The following DRC9 variants were observed in gnomAD, a reference collection of about 807,000 sequenced individuals.
DRC9 encodes the protein dynein regulatory complex protein 9.
the DRC9 span, among the ~76,000 whole-genome samples, chr3:197,952,930 A>G: frequency 6.6e-6 from 1 of 150,832 alleles, no homozygotes; most frequent in Non-Finnish European, 1.5e-5. Flanking sequence ...CTTCCCCAGT[A>G]GCTGGGATTA....
chr3:197,937,113 C>G, the DRC9 span, among the ~76,000 whole-genome samples: 5 of 152,198 alleles, frequency 3.3e-5, no homozygotes, highest in African/African-American at 9.6e-5. Context: ...TCCAATAAAG[C>G]TTTTCAAAAA....
the DRC9 span, chr3:197,892,692 T>A: frequency 1.2e-6 from 2 of 1,614,180 alleles, no homozygotes; most frequent in Non-Finnish European, 1.7e-6. Flanking sequence ...AGCATTTAGT[T>A]CATTCTGTTT....
At chr3:197,895,228 T>TA in the DRC9 span, among the ~76,000 whole-genome samples, 1 of 152,132 alleles carries the variant, frequency 6.6e-6, no homozygotes, top group East Asian at 1.9e-4. Context: ...TACAAGGTAA[T>TA]AACATCATTT....
At chr3:197,949,388 G>A in the DRC9 span, 1 of 152,242 alleles carries the variant, frequency 6.6e-6, no homozygotes, top group Admixed American at 6.5e-5. Context: ...GCGGACACGA[G>A]GCAGCTAAAC....
the DRC9 span, chr3:197,951,321 T>C: frequency 1.9e-6 from 3 of 1,613,774 alleles, no homozygotes; most frequent in African/African-American, 4.0e-5. Flanking sequence ...AGTAAGTTTA[T>C]GACACTGGTA....
chr3:197,954,009 A>T, the DRC9 span: 1 of 1,612,940 alleles, frequency 6.2e-7, no homozygotes, highest in South Asian at 1.1e-5. Context: ...TCAGCAACAC[A>T]GTCACTCCTG....
the DRC9 span, among the ~76,000 whole-genome samples, chr3:197,918,144 G>C: frequency 6.7e-6 from 1 of 150,320 alleles, no homozygotes; most frequent in Non-Finnish European, 1.5e-5. Flanking sequence ...GCCCAGGCTG[G>C]AGTGCAATGG....
At chr3:197,904,110 A>ATT in the DRC9 span, among the ~76,000 whole-genome samples, 7 of 80,830 alleles carry the variant, frequency 8.7e-5, no homozygotes, top group African/African-American at 4.9e-4. Flanking sequence ...ATATATATAT[A>ATT]TTTTTTTTTT....
the DRC9 span, among the ~76,000 whole-genome samples, chr3:197,933,623 T>C: frequency 6.6e-6 from 1 of 152,098 alleles, no homozygotes; most frequent in East Asian, 1.9e-4. Context: ...TGGTAGAGAC[T>C]TGGTTTTTTT....
the DRC9 span, among the ~76,000 whole-genome samples, chr3:197,918,222 C>T: frequency 1.0e-3 from 153 of 147,286 alleles, no homozygotes; most frequent in African/African-American, 3.7e-3. Context: ...CCTACATGTA[C>T]GTGCTACCAC....
the DRC9 span, among the ~76,000 whole-genome samples, chr3:197,942,720 C>A: frequency 6.6e-6 from 1 of 151,794 alleles, no homozygotes; most frequent in Non-Finnish European, 1.5e-5. Context: ...GAGTTCAAGA[C>A]CAGCCTGACC....
the DRC9 span, among the ~76,000 whole-genome samples, chr3:197,903,037 G>C: frequency 6.6e-6 from 1 of 152,104 alleles, no homozygotes; most frequent in African/African-American, 2.4e-5. Flanking sequence ...AATCTACACT[G>C]AATTCATTTT....
At chr3:197,946,251 C>A in the DRC9 span, among the ~76,000 whole-genome samples, 33 of 151,408 alleles carry the variant, frequency 2.2e-4, no homozygotes, top group African/African-American at 7.3e-4. Flanking sequence ...CTGGCTAACA[C>A]GGTGAAACCC....
chr3:197,919,489 T>C, the DRC9 span, among the ~76,000 whole-genome samples: 1 of 152,226 alleles, frequency 6.6e-6, no homozygotes, highest in African/African-American at 2.4e-5. Flanking sequence ...GTCGGGAACC[T>C]TCCTCGTGGT....
At chr3:197,932,321 C>T in the DRC9 span, 5 of 1,598,170 alleles carry the variant, frequency 3.1e-6, no homozygotes, top group African/African-American at 1.4e-5. Flanking sequence ...AGAAACAGAC[C>T]AACAAAAAAT....
At chr3:197,946,951 T>C in the DRC9 span, among the ~76,000 whole-genome samples, 355 of 152,164 alleles carry the variant, frequency 2.3e-3, 1 homozygote, top group African/African-American at 8.3e-3. Flanking sequence ...GCCTCCCGAG[T>C]AACTGGGATT....
the DRC9 span, chr3:197,944,183 A>C: frequency 3.8e-6 from 3 of 797,830 alleles, no homozygotes; most frequent in East Asian, 5.0e-5. Context: ...TAGATGAAAA[A>C]AAAGGAGGAT....
the DRC9 span, chr3:197,951,374 A>T: frequency 6.4e-7 from 1 of 1,559,354 alleles, no homozygotes; most frequent in Non-Finnish European, 8.8e-7. Flanking sequence ...TTTTTTATAT[A>T]ACGGAGTCTT....
chr3:197,920,910 T>C, the DRC9 span, among the ~76,000 whole-genome samples: 1 of 152,218 alleles, frequency 6.6e-6, no homozygotes, highest in Non-Finnish European at 1.5e-5. Context: ...CCACCAACAC[T>C]TTCATATACA....
Sources: allele counts gnomAD v4.1 joint callset (sites outside exome capture counted in the v4.1 genomes callset), GRCh38; gene constraint gnomAD v4.1.1; transcripts MANE v1.5; gene names NCBI Gene and HGNC (gene_info 2026-07-23, HGNC 2026-07-21).